Variants in TCERG1L observed in about 807,000 individuals in gnomAD.
TCERG1L encodes the protein transcription elongation regulator 1 like.
A neutral mutation model predicts 56.3 loss-of-function variants in TCERG1L; 37 were observed. That is an observed-to-expected ratio of 0.66 (90% CI 0.51 to 0.87). The LOEUF (loss-of-function observed/expected upper bound fraction) is 0.87. TCERG1L is among the 40% of genes least tolerant of loss of function. TCERG1L has a pLI of 0.00. For synonymous variants in TCERG1L, 324 were observed against 326.3 expected (o/e 0.99, Z 0.08); for missense variants, 799 against 774.2 (o/e 1.03, Z -0.38).
intron 4 of TCERG1L, among the ~76,000 whole-genome samples, chr10:131,178,035 C>T (rs2133449410): frequency 6.6e-6 from 1 of 152,260 alleles, no homozygotes; most frequent in Non-Finnish European, 1.5e-5. Flanking sequence ...GTCACACAGG[C>T]TCTCCCTCCC....
chr10:131,210,687 C>T (rs1268137130), intron 4 of TCERG1L, among the ~76,000 whole-genome samples: 1 of 152,100 alleles, frequency 6.6e-6, no homozygotes, highest in Non-Finnish European at 1.5e-5. Context: ...TCATCTCCGC[C>T]CTTCCCTCAG....
chr10:131,147,673 G>T (rs1026756731), intron 6 of TCERG1L, among the ~76,000 whole-genome samples: 1 of 152,254 alleles, frequency 6.6e-6, no homozygotes, highest in African/African-American at 2.4e-5. Context: ...CTCTGGCTCC[G>T]CAAGTCTCCT....
intron 7 of TCERG1L, among the ~76,000 whole-genome samples, chr10:131,141,320 G>A (rs1298138923): frequency 6.6e-6 from 1 of 152,068 alleles, no homozygotes; most frequent in East Asian, 1.9e-4. Context: ...TCTTCCTCCT[G>A]CCTTAGAGCT....
In TCERG1L at chr10:131,311,101, T is replaced by A. The variant is rs1846886997; in HGVS notation, c.342+193A>T. Among the ~76,000 whole-genome samples, 1 of 151,788 alleles carries A rather than the reference T, an allele frequency of 6.6e-6. No homozygotes were observed. The highest frequency in any genetic ancestry group is 2.4e-5 in the African/African-American group (1 of 41,262). ...GAGGCACCTGCCAAAGCTGCGGAGGTGGACGACCGGGCGTCCAAGCACGAA... is the reference window on the plus strand; with the variant it reads ...GAGGCACCTGCCAAAGCTGCGGAGGAGGACGACCGGGCGTCCAAGCACGAA... On this transcript the variant is annotated intron_variant, in intron 1 of 11. Transcript: ENST00000368642. The surrounding 1 kb of genome is among the most constrained non-coding windows in gnomAD (Gnocchi z 4.0).
rs1263764162 is a variant in TCERG1L, at chr10:131,311,402, G to A, written c.234C>T (p.Pro78=). 5.1e-6 allele frequency: 6 copies of A among 1,182,954 alleles called. No individual in the cohort carries two copies. The highest frequency in any genetic ancestry group is 6.3e-6 in the Non-Finnish European group (6 of 957,974). The allele number at this position is 1,182,954 out of a possible 1,614,324, so 73.3% of individuals were successfully genotyped here. Residue 78 remains proline (P), a synonymous_variant, in exon 1 of 12, where the codon CCC becomes CCT. Transcript: ENST00000368642. The surrounding 1 kb of genome is among the most constrained non-coding windows in gnomAD (Gnocchi z 4.0). ...PPAAPLLPGL[P]GWPAPSEPVL... ...CCGGCTCGCTCGGGGCCGGCCAGCC[G>A]GGGAGACCGGGGAGCAGCGGGGCCG...
chr10:131,294,423 T>C (rs1846666862), intron 3 of TCERG1L, among the ~76,000 whole-genome samples: 1 of 152,198 alleles, frequency 6.6e-6, no homozygotes, highest in South Asian at 2.1e-4. Flanking sequence ...CCATTATCTC[T>C]TTAAAAATCT....
chr10:131,216,018 C>A (rs1341562366), intron 4 of TCERG1L, among the ~76,000 whole-genome samples: 1 of 152,122 alleles, frequency 6.6e-6, no homozygotes, highest in Non-Finnish European at 1.5e-5. Context: ...CAGGACCTGA[C>A]CAGCCACAGG....
intron 4 of TCERG1L, among the ~76,000 whole-genome samples, chr10:131,215,145 C>T (rs1845657043): frequency 6.6e-6 from 1 of 152,206 alleles, no homozygotes; most frequent in Admixed American, 6.5e-5. Flanking sequence ...TATGTGAAAG[C>T]AGTGCTGGTC....
At chr10:131,180,434 ATT>A (rs1161692936) in intron 4 of TCERG1L, among the ~76,000 whole-genome samples, 1 of 152,216 alleles carries the variant, frequency 6.6e-6, no homozygotes, top group Non-Finnish European at 1.5e-5. Flanking sequence ...AGGATATTAC[ATT>A]CTGTTTCATT....
At chr10:131,139,305 T>G (rs1032499510) in intron 7 of TCERG1L, among the ~76,000 whole-genome samples, 13 of 152,240 alleles carry the variant, frequency 8.5e-5, no homozygotes, top group African/African-American at 3.1e-4. Flanking sequence ...GGTACAAAGA[T>G]GTTCTTTCCA....
chr10:131,185,755 A>G (rs2918097), intron 4 of TCERG1L, among the ~76,000 whole-genome samples: 140,998 of 152,130 alleles, frequency 0.93, 66,320 homozygotes, highest in East Asian at 1. Flanking sequence ...TTGAGAGTAC[A>G]GTGAAAATGA....
intron 4 of TCERG1L, among the ~76,000 whole-genome samples, chr10:131,173,431 T>C (rs1846113234): frequency 6.6e-6 from 1 of 152,216 alleles, no homozygotes; most frequent in Non-Finnish European, 1.5e-5. Context: ...ATGCAATTTA[T>C]GGCTAAGGTA....
intron 4 of TCERG1L, among the ~76,000 whole-genome samples, chr10:131,222,211 T>C (rs1845741035): frequency 6.6e-6 from 1 of 152,018 alleles, no homozygotes; most frequent in South Asian, 2.1e-4. Flanking sequence ...GAAATACAAC[T>C]ATTCATCAAA....
chr10:131,227,867 C>T (rs957940080), intron 4 of TCERG1L, among the ~76,000 whole-genome samples: 2 of 152,042 alleles, frequency 1.3e-5, no homozygotes, highest in South Asian at 4.1e-4. Flanking sequence ...TTAAATTTGA[C>T]CTGAGCGCAA....
In TCERG1L at chr10:131,098,311, A is replaced by G. The variant is rs202197163; in HGVS notation, c.1599T>C (p.Ser533=). The G allele has an allele frequency of 1.3e-6, 2 of 1,551,622 alleles. No individual in the cohort carries two copies. The change falls in exon 11 of 12, where the codon TCT becomes TCC. Residue 533 remains serine, a synonymous_variant. Coordinates refer to ENST00000368642, the MANE Select transcript of TCERG1L (RefSeq NM_174937.4). Reference sequence around the variant, plus strand: ...GTATATTTCTCTCTCCATACCTGGGAGACACTTTAGATTCCTCTAGAAGTT... The same window carrying G: ...GTATATTTCTCTCTCCATACCTGGGGGACACTTTAGATTCCTCTAGAAGTT... ...FKKLLEESKV[S]PRTTFKEFAE... is the part of the protein sequence containing the mutation.
chr10:131,309,124 T>C (rs1450988408), intron 2 of TCERG1L, 29 bp downstream of exon 2: 1 of 1,600,924 alleles, frequency 6.2e-7, no homozygotes, highest in Admixed American at 1.8e-5. Flanking sequence ...TAAAAGCCCC[T>C]TATCCAATTA....
At chr10:131,188,581 T>A (rs1188502878) in intron 4 of TCERG1L, among the ~76,000 whole-genome samples, 2 of 152,196 alleles carry the variant, frequency 1.3e-5, no homozygotes, top group Non-Finnish European at 2.9e-5. Context: ...GGCACACAAT[T>A]AGCATTAATT....
chr10:131,216,868 G>A (rs1219139763), intron 4 of TCERG1L, among the ~76,000 whole-genome samples: 1 of 152,184 alleles, frequency 6.6e-6, no homozygotes, highest in Non-Finnish European at 1.5e-5. Flanking sequence ...AGAGGAAGAA[G>A]CTATGTCTCA....
intron 7 of TCERG1L, among the ~76,000 whole-genome samples, chr10:131,136,060 T>C (rs1288647702): frequency 6.6e-6 from 1 of 152,178 alleles, no homozygotes; most frequent in African/African-American, 2.4e-5. Context: ...CCCACCATGC[T>C]AACGAAAATG....
Sources: allele counts gnomAD v4.1 joint callset (sites outside exome capture counted in the v4.1 genomes callset), GRCh38; gene constraint gnomAD v4.1.1; non-coding constraint Gnocchi (gnomAD v3.1); transcripts MANE v1.5; gene names NCBI Gene and HGNC (gene_info 2026-07-23, HGNC 2026-07-21).